The following SORCS1 variants were observed in gnomAD, a reference collection of about 807,000 sequenced individuals.
SORCS1 encodes sortilin related VPS10 domain containing receptor 1.
A neutral mutation model predicts 146.1 loss-of-function variants in SORCS1; 60 were observed. The observed-to-expected ratio is 0.41, with a 90% confidence interval of 0.33 to 0.51. The LOEUF (loss-of-function observed/expected upper bound fraction) is 0.51. Ranked by LOEUF, SORCS1 falls within the 20% of genes least tolerant of loss-of-function variation. SORCS1 has a pLI of 0.21. For missense variants in SORCS1, 1,352 were observed against 1,487.6 expected (o/e 0.91, Z 1.50); for synonymous variants, 637 against 584.0 (o/e 1.09, Z -1.31).
intron 1 of SORCS1, among the ~76,000 whole-genome samples, chr10:107,015,154 C>A (rs1217606122): frequency 1.3e-5 from 2 of 152,184 alleles, no homozygotes; most frequent in Non-Finnish European, 2.9e-5. Context: ...TGAAGGAAAT[C>A]ATTCATTCAA....
At chr10:106,582,100 C>A (rs971139102) in intron 24 of SORCS1, among the ~76,000 whole-genome samples, 3 of 151,682 alleles carry the variant, frequency 2.0e-5, no homozygotes, top group African/African-American at 7.3e-5. Flanking sequence ...AGCAACACAG[C>A]AAACTCGCAT....
At chr10:106,769,855 G>A (rs557860905) in intron 4 of SORCS1, among the ~76,000 whole-genome samples, 2 of 152,292 alleles carry the variant, frequency 1.3e-5, no homozygotes, top group South Asian at 4.1e-4. Context: ...AGCACTTTCA[G>A]AGGCCGAGGC....
At position 106,718,954 on chromosome 10, in the gene SORCS1, G is replaced by A. The variant is rs79212739; in HGVS notation, c.1025-9613C>T. On this transcript the variant is annotated intron_variant, in intron 6 of 25. Coordinates refer to ENST00000263054, the MANE Select transcript of SORCS1 (RefSeq NM_052918.5). ...GTTTTTACAGAGTGCTGATTGGTGC[G>A]TTTACAAACCTTTAGCTAGACACAA... Among the ~76,000 whole-genome samples the A allele has an allele frequency of 6.2e-4, 93 of 150,966 alleles. 2 individuals carry two copies. Among genetic ancestry groups the A allele is most frequent in the African/African-American group, 1.0e-3 (43 of 41,238 alleles).
At chr10:107,003,310 A>G (rs1197190080) in intron 1 of SORCS1, among the ~76,000 whole-genome samples, 1 of 152,134 alleles carries the variant, frequency 6.6e-6, no homozygotes, top group African/African-American at 2.4e-5. Context: ...TAAGTAATAT[A>G]TTTGCAGCTC....
At chr10:106,767,356 C>T (rs1404143221) in intron 4 of SORCS1, among the ~76,000 whole-genome samples, 1 of 152,020 alleles carries the variant, frequency 6.6e-6, no homozygotes, top group Admixed American at 6.6e-5. Flanking sequence ...GGAACTAGAG[C>T]CGGTTGGGAA....
chr10:107,152,181 G>T (rs903909906), intron 1 of SORCS1, among the ~76,000 whole-genome samples: 1 of 152,154 alleles, frequency 6.6e-6, no homozygotes, highest in East Asian at 1.9e-4. Flanking sequence ...TAGCCCTGTG[G>T]GTGTGCAGAA....
chr10:107,089,935 C>T (rs977065925), intron 1 of SORCS1, among the ~76,000 whole-genome samples: 1 of 152,172 alleles, frequency 6.6e-6, no homozygotes, highest in African/African-American at 2.4e-5. Flanking sequence ...TCTCAGATGG[C>T]TGCGGCTCTT....
At chr10:106,713,243 C>G (rs748865479) in intron 6 of SORCS1, among the ~76,000 whole-genome samples, 8 of 152,110 alleles carry the variant, frequency 5.3e-5, no homozygotes, top group Non-Finnish European at 1.2e-4. Flanking sequence ...TCAAGCTGCC[C>G]CAACCTCTGT....
At chr10:106,756,684 T>TG (rs975158547) in intron 5 of SORCS1, among the ~76,000 whole-genome samples, 6 of 152,228 alleles carry the variant, frequency 3.9e-5, no homozygotes, top group Non-Finnish European at 1.5e-5. Context: ...ATGGTTGCTA[T>TG]GGTAGTATTA....
intron 5 of SORCS1, among the ~76,000 whole-genome samples, chr10:106,751,509 T>G (rs1299219038): frequency 1.3e-5 from 2 of 152,184 alleles, no homozygotes; most frequent in African/African-American, 4.8e-5. Context: ...GAGAGCAGTC[T>G]AGGATGAGTC....
At chr10:106,695,941 G>A (rs1220705151) in intron 9 of SORCS1, among the ~76,000 whole-genome samples, 3 of 152,130 alleles carry the variant, frequency 2.0e-5, no homozygotes, top group Non-Finnish European at 4.4e-5. Flanking sequence ...CTGTAGCCAG[G>A]TTCCAATGTA....
intron 5 of SORCS1, among the ~76,000 whole-genome samples, chr10:106,733,893 G>A (rs1234655870): frequency 6.6e-6 from 1 of 152,136 alleles, no homozygotes; most frequent in Non-Finnish European, 1.5e-5. Flanking sequence ...TTTGCTACAT[G>A]TCTGCATAAA....
intron 3 of SORCS1, among the ~76,000 whole-genome samples, chr10:106,777,156 A>T (rs1311624921): frequency 1.3e-5 from 2 of 152,154 alleles, no homozygotes; most frequent in East Asian, 3.9e-4. Context: ...ATTCCACTTC[A>T]ATGATTTCCT....
intron 18 of SORCS1, among the ~76,000 whole-genome samples, chr10:106,633,420 CCTGT>C (rs1166422481): frequency 1.3e-5 from 2 of 152,142 alleles, no homozygotes. Flanking sequence ...ATTTATTCCT[CCTGT>C]CTAACTGTGA....
intron 17 of SORCS1, among the ~76,000 whole-genome samples, chr10:106,663,522 G>A (rs780498170): frequency 1.3e-5 from 2 of 152,138 alleles, no homozygotes; most frequent in Non-Finnish European, 2.9e-5. Flanking sequence ...AAATCTAAAT[G>A]TATAGTGTCA....
At chr10:107,094,339 T>G (rs1028404806) in intron 1 of SORCS1, among the ~76,000 whole-genome samples, 2 of 152,218 alleles carry the variant, frequency 1.3e-5, no homozygotes, top group African/African-American at 4.8e-5. Flanking sequence ...TTCTGTTAAG[T>G]ATTCTTCCAA....
At chr10:106,866,604 C>T (rs191374307) in intron 2 of SORCS1, among the ~76,000 whole-genome samples, 164 of 152,284 alleles carry the variant, frequency 1.1e-3, no homozygotes, top group African/African-American at 3.7e-3. Flanking sequence ...GAAAAGCCCA[C>T]ACTTTCAGAG....
At chr10:107,046,971 T>A (rs2134023463) in intron 1 of SORCS1, among the ~76,000 whole-genome samples, 1 of 152,306 alleles carries the variant, frequency 6.6e-6, no homozygotes. Flanking sequence ...TGTTTTGTTT[T>A]GCTGTATTTT....
At chr10:106,669,242 AAAC>A (rs35656422) in intron 16 of SORCS1, among the ~76,000 whole-genome samples, 10 of 151,496 alleles carry the variant, frequency 6.6e-5, no homozygotes, top group African/African-American at 1.7e-4. Flanking sequence ...TGAAAAAGAA[AAAC>A]AACAACAACA....
Sources: allele counts gnomAD v4.1 joint callset (sites outside exome capture counted in the v4.1 genomes callset), GRCh38; gene constraint gnomAD v4.1.1; transcripts MANE v1.5; gene names NCBI Gene and HGNC (gene_info 2026-07-23, HGNC 2026-07-21).